Variants in NFXL1 observed in about 807,000 individuals in gnomAD.
The protein encoded by NFXL1 is NF-X1-type zinc finger protein NFXL1.
In NFXL1, 66 loss-of-function variants were observed where a neutral mutation model predicts 123.3. That is an observed-to-expected ratio of 0.54 (90% CI 0.44 to 0.66). The LOEUF (loss-of-function observed/expected upper bound fraction) is 0.66, where lower values mean the gene tolerates loss of function less well. NFXL1 is among the 30% of genes least tolerant of loss of function. NFXL1 has a pLI of 0.00. For missense variants in NFXL1, 944 were observed against 1,125.6 expected (o/e 0.84, Z 2.31); for synonymous variants, 346 against 360.8 (o/e 0.96, Z 0.46).
At position 47,851,953 on chromosome 4, in the gene NFXL1, C is replaced by T; in HGVS notation, c.2422-11G>A. The T allele has an allele frequency of 3.1e-6, 5 of 1,589,526 alleles. No individual in the cohort carries two copies. The highest frequency in any genetic ancestry group is 4.3e-6 in the Non-Finnish European group (5 of 1,160,166). ...GTTGCACTGCAATTCCTACAAACAACCCGATTTTCAAATTTTAAATGATTT... is the reference window on the plus strand; with the variant it reads ...GTTGCACTGCAATTCCTACAAACAATCCGATTTTCAAATTTTAAATGATTT... On this transcript the variant is annotated splice_polypyrimidine_tract_variant and intron_variant, in intron 20 of 22. Coordinates refer to ENST00000507489, the MANE Select transcript of NFXL1 (RefSeq NM_001278624.2).
Position 47,848,226 on chromosome 4 carries a change from G to A in NFXL1, c.2673C>T (p.Leu891=). The A allele has an allele frequency of 3.1e-6, 5 of 1,612,658 alleles. No homozygotes were observed. Among genetic ancestry groups the A allele is most frequent in the Non-Finnish European group, 4.2e-6 (5 of 1,179,034 alleles). Residue 891 remains leucine (L), a synonymous_variant, in exon 23 of 23, where the codon CTC becomes CTT. Coordinates refer to ENST00000507489, the MANE Select transcript of NFXL1 (RefSeq NM_001278624.2). ...LSLWQKHKYY[L]ISVCGVVVVV... ...CAACCACAACTCCACACACTGAAATGAGATAATATTTATGTTTTTGCCATA... is the reference window on the plus strand; with the variant it reads ...CAACCACAACTCCACACACTGAAATAAGATAATATTTATGTTTTTGCCATA...
intron 4 of NFXL1, among the ~76,000 whole-genome samples, chr4:47,904,145 G>A (rs1737461270): frequency 6.6e-6 from 1 of 152,158 alleles, no homozygotes; most frequent in Non-Finnish European, 1.5e-5. Context: ...AATAACCAAT[G>A]AATGGCATAT....
rs938207203 is a variant in NFXL1 at position 47,859,841 on chromosome 4, C to CAAAAAA, written c.2316+2999_2316+3004dup. On this transcript the variant is annotated intron_variant, in intron 19 of 22. Coordinates refer to ENST00000507489, the MANE Select transcript of NFXL1 (RefSeq NM_001278624.2). ...CAGGCAACAGAGTGAGACTCCATCT[C>CAAAAAA]AAAAAAAAAAAAAAAAAAAAAAAAA... Among the ~76,000 whole-genome samples the CAAAAAA allele has an allele frequency of 2.4e-3, 35 of 14,300 alleles. 2 individuals carry two copies. Among genetic ancestry groups the CAAAAAA allele is most frequent in the African/African-American group, 5.8e-3 (23 of 3,938 alleles). The allele number at this position is 14,300 out of a possible 152,430, so 9.4% of individuals were successfully genotyped here. A position where few individuals can be genotyped will look rare whatever the true frequency, so the allele number is the denominator to read the frequency against.
intron 10 of NFXL1, 43 bp downstream of exon 10, chr4:47,896,480 G>C (rs907239033): frequency 6.7e-7 from 1 of 1,497,026 alleles, no homozygotes; most frequent in South Asian, 1.1e-5. Context: ...GATACATTAT[G>C]ATAGGTAGCT....
chr4:47,850,023 C>A (rs1454845564), intron 22 of NFXL1, among the ~76,000 whole-genome samples: 2 of 151,688 alleles, frequency 1.3e-5, no homozygotes. Context: ...AGATGCAGAA[C>A]CTACATATAC....
intron 15 of NFXL1, among the ~76,000 whole-genome samples, chr4:47,880,170 A>C (rs1736002715): frequency 1.3e-5 from 2 of 152,046 alleles, no homozygotes; most frequent in Admixed American, 6.6e-5. Context: ...CTGAGACAGG[A>C]GGATCACCTG....
chr4:47,884,133 G>A (rs959721647), intron 15 of NFXL1, among the ~76,000 whole-genome samples: 1 of 151,904 alleles, frequency 6.6e-6, no homozygotes, highest in Non-Finnish European at 1.5e-5. Context: ...TGGGGGTAAA[G>A]ACTCAAAAAA....
At position 47,894,187 on chromosome 4, in the gene NFXL1, C is replaced by A; in HGVS notation, c.1445G>T (p.Arg482Ile). The change falls in exon 11 of 23, where the codon AGA becomes ATA. Residue 482 changes from arginine to isoleucine, a missense_variant. Coordinates refer to ENST00000507489, the MANE Select transcript of NFXL1 (RefSeq NM_001278624.2). ...CAAGGTTAATACACAAACCTTTCTTCTACATTGATGCTTCTGACAGTCACG... is the reference window on the plus strand; with the variant it reads ...CAAGGTTAATACACAAACCTTTCTTATACATTGATGCTTCTGACAGTCACG... ...KMRDCQKHQC[R>I]RKCCPGNCPP... 6.3e-7 allele frequency: 1 copy of A among 1,599,726 alleles called. No individual in the cohort carries two copies.
At position 47,905,325 on chromosome 4, in the gene NFXL1, T is replaced by C; in HGVS notation, c.428A>G (p.Glu143Gly). The change falls in exon 4 of 23, where the codon GAG (glutamate) becomes GGG (glycine). Residue 143 changes from glutamate (E) to glycine (G), a missense_variant. By Grantham distance (98) the Glu-to-Gly change is moderately conservative (BLOSUM62 -2). Coordinates refer to ENST00000507489, the MANE Select transcript of NFXL1 (RefSeq NM_001278624.2). ...TQTDGDTREL[E>G]RTKQYVNEAF... ...TTCATTTACATATTGTTTTGTTCGC[T>C]CTAATTCACGTGTATCTCCATCTGG... is the stretch of plus-strand genomic sequence containing the variant. The C allele has an allele frequency of 6.3e-7, 1 of 1,583,220 alleles. No individual in the cohort carries two copies. Among genetic ancestry groups the C allele is most frequent in the Non-Finnish European group, 8.7e-7 (1 of 1,153,570 alleles).
At chr4:47,880,807 T>TAAAAAAAAAAAAAAAA (rs57880960) in intron 15 of NFXL1, among the ~76,000 whole-genome samples, 2 of 78,818 alleles carry the variant, frequency 2.5e-5, no homozygotes, top group Middle Eastern at 9.4e-3. Flanking sequence ...AATTAATGAG[T>TAAAAAAAAAAAAAAAA]AAAAAAAAAA....
At chr4:47,911,573 T>G (rs2110110989) in intron 2 of NFXL1, among the ~76,000 whole-genome samples, 1 of 152,352 alleles carries the variant, frequency 6.6e-6, no homozygotes, top group African/African-American at 2.4e-5. Flanking sequence ...TTTGCCTTTA[T>G]TATGGACTTC....
chr4:47,907,183 A>G (rs1191694004), intron 3 of NFXL1, among the ~76,000 whole-genome samples: 1 of 152,202 alleles, frequency 6.6e-6, no homozygotes, highest in African/African-American at 2.4e-5. Context: ...CTTGGTGACA[A>G]TGAGATTGTG....
intron 11 of NFXL1, among the ~76,000 whole-genome samples, chr4:47,893,378 A>G (rs1417835158): frequency 1.3e-5 from 2 of 152,156 alleles, no homozygotes; most frequent in African/African-American, 4.8e-5. Context: ...AACATAAAGA[A>G]CACCATACCA....
intron 11 of NFXL1, 28 bp downstream of exon 11, chr4:47,894,152 C>A: frequency 1.3e-6 from 2 of 1,557,230 alleles, no homozygotes; most frequent in South Asian, 1.2e-5. Context: ...GTCTTTAAAT[C>A]AGAGGTTTCC....
chr4:47,876,891 A>C (rs919202389), intron 17 of NFXL1: 1 of 334,520 alleles, frequency 3.0e-6, no homozygotes, highest in Non-Finnish European at 5.9e-6. Context: ...ATCAAGCATG[A>C]TTCCTATGTC....
intron 14 of NFXL1, 119 bp from the exon 15 acceptor site, chr4:47,884,556 T>C: frequency 3.4e-6 from 2 of 585,956 alleles, no homozygotes; most frequent in Non-Finnish European, 6.2e-6. Context: ...TTTTTTCAAA[T>C]AATCAATAAA....
intron 9 of NFXL1, among the ~76,000 whole-genome samples, chr4:47,897,634 T>C (rs1737159603): frequency 6.6e-6 from 1 of 152,178 alleles, no homozygotes; most frequent in Admixed American, 6.5e-5. Flanking sequence ...GGTTCACTCA[T>C]GGTGTTGTAT....
chr4:47,850,572 C>G (rs181922578), intron 22 of NFXL1, among the ~76,000 whole-genome samples: 1 of 152,148 alleles, frequency 6.6e-6, no homozygotes, highest in African/African-American at 2.4e-5. Flanking sequence ...CAGGAATGTA[C>G]TTGTTCTCTA....
intron 17 of NFXL1, among the ~76,000 whole-genome samples, chr4:47,875,931 T>C (rs1182065907): frequency 6.6e-6 from 1 of 152,176 alleles, no homozygotes; most frequent in Non-Finnish European, 1.5e-5. Context: ...TAACTAGCAT[T>C]ATAATCTACT....
Sources: allele counts gnomAD v4.1 joint callset (sites outside exome capture counted in the v4.1 genomes callset), GRCh38; gene constraint gnomAD v4.1.1; transcripts MANE v1.5; gene names NCBI Gene and HGNC (gene_info 2026-07-23, HGNC 2026-07-21).